PVT1: variants seen among roughly 807,000 people sequenced by gnomAD.
The protein encoded by PVT1 is Pvt1 oncogene.
At chr8:127,863,057 A>G (rs564043754) in intron 2 of PVT1, among the ~76,000 whole-genome samples, 1 of 151,972 alleles carries the variant, frequency 6.6e-6, no homozygotes, top group East Asian at 1.9e-4. Flanking sequence ...GATCTACCCC[A>G]TTAATCTGGG....
At position 128,100,684 on chromosome 8, in the gene PVT1, A is replaced by T. The variant is rs536158170; in HGVS notation, n.1251+4030A>T. Among the ~76,000 whole-genome samples the T allele has an allele frequency of 3.7e-4, 56 of 152,330 alleles. No individual in the cohort carries two copies. In the South Asian group the frequency reaches 0.011, roughly 29 times the overall value. ...GGTGTGTCAATGAGAAAATTATAAC[A>T]GTAAGCTAAGCCAACCCAACCTCCA... On this transcript the variant is annotated intron_variant and non_coding_transcript_variant, in intron 6 of 10. Coordinates refer to ENST00000651587, the Ensembl canonical transcript of PVT1.
intron 4 of PVT1, among the ~76,000 whole-genome samples, chr8:128,031,437 G>T (rs1488726731): frequency 2.6e-5 from 4 of 152,140 alleles, no homozygotes; most frequent in Admixed American, 2.0e-4. Context: ...GAGGCACGGG[G>T]AGCATTTCTG....
At chr8:127,813,082 C>A (rs573998822) in intron 2 of PVT1, among the ~76,000 whole-genome samples, 1 of 150,492 alleles carries the variant, frequency 6.6e-6, no homozygotes, top group East Asian at 1.9e-4. Context: ...TAAGCCCTGA[C>A]TTCGTGCCGG....
chr8:127,972,696 G>A (rs575394457), intron 3 of PVT1, among the ~76,000 whole-genome samples: 78 of 152,110 alleles, frequency 5.1e-4, no homozygotes, highest in Non-Finnish European at 8.5e-4. Flanking sequence ...CCGAGATCCC[G>A]CTATTGCACT....
intron 2 of PVT1, among the ~76,000 whole-genome samples, chr8:127,859,352 C>T (rs978512665): frequency 1.3e-5 from 2 of 152,036 alleles, no homozygotes; most frequent in Non-Finnish European, 2.9e-5. Flanking sequence ...CACCTCATAC[C>T]GGCCATGACC....
intron 3 of PVT1, among the ~76,000 whole-genome samples, chr8:127,930,439 G>A (rs769448262): frequency 7.9e-5 from 12 of 152,186 alleles, no homozygotes; most frequent in Admixed American, 4.6e-4. Flanking sequence ...GATTAGAGGC[G>A]TGAGTCATCA....
intron 3 of PVT1, among the ~76,000 whole-genome samples, chr8:127,919,552 A>C (rs1251863216): frequency 6.6e-6 from 1 of 152,154 alleles, no homozygotes; most frequent in Non-Finnish European, 1.5e-5. Context: ...TCCCCTGAGC[A>C]GTCACCATCC....
chr8:127,989,797 A>C (rs1817010506), intron 4 of PVT1, among the ~76,000 whole-genome samples: 1 of 152,168 alleles, frequency 6.6e-6, no homozygotes, highest in South Asian at 2.1e-4. Flanking sequence ...TTAGAGGTTA[A>C]GACTGAGTGC....
rs1816118448 is a variant in PVT1 at position 127,925,453 on chromosome 8, AT to A, written n.782+34456del. Among the ~76,000 whole-genome samples the A allele has an allele frequency of 2.6e-5, 4 of 152,376 alleles. No individual in the cohort carries two copies. The South Asian group carries it at 8.3e-4, about 32-fold the overall frequency. ...TATTTTGGGAAAGATCTAGAAGGTT[AT>A]CTGTAAGCATATGGTGGATGTTACA... On this transcript the variant is annotated intron_variant and non_coding_transcript_variant, in intron 3 of 10. Coordinates refer to ENST00000651587, the Ensembl canonical transcript of PVT1.
At chr8:127,899,543 A>C (rs1047866067) in intron 3 of PVT1, among the ~76,000 whole-genome samples, 1 of 152,102 alleles carries the variant, frequency 6.6e-6, no homozygotes, top group African/African-American at 2.4e-5. Flanking sequence ...ATGACAGATG[A>C]GTCACCTCTG....
intron 2 of PVT1, among the ~76,000 whole-genome samples, chr8:127,815,575 T>C (rs1363958528): frequency 6.6e-6 from 1 of 152,190 alleles, no homozygotes; most frequent in Non-Finnish European, 1.5e-5. Context: ...ATGCTGCTTT[T>C]CCACTTTGCA....
intron 5 of PVT1, among the ~76,000 whole-genome samples, chr8:128,074,818 G>A (rs1207473028): frequency 6.6e-6 from 1 of 152,158 alleles, no homozygotes; most frequent in Non-Finnish European, 1.5e-5. Context: ...GGAGCTGTGT[G>A]CAACCATCTT....
intron 5 of PVT1, among the ~76,000 whole-genome samples, chr8:128,083,093 G>T (rs1180005321): frequency 6.6e-6 from 1 of 152,144 alleles, no homozygotes; most frequent in Non-Finnish European, 1.5e-5. Flanking sequence ...TTCTAATCTT[G>T]GCTCTGTGGC....
chr8:127,969,547 C>A (rs1816740814), intron 3 of PVT1, among the ~76,000 whole-genome samples: 1 of 152,160 alleles, frequency 6.6e-6, no homozygotes, highest in South Asian at 2.1e-4. Flanking sequence ...GGTATGCAGC[C>A]ATTCAAACAT....
intron 3 of PVT1, among the ~76,000 whole-genome samples, chr8:127,893,459 C>T (rs1377658441): frequency 6.6e-6 from 1 of 152,044 alleles, no homozygotes; most frequent in Non-Finnish European, 1.5e-5. Flanking sequence ...GTTGGCCAGG[C>T]TGGTCTTGAA....
At chr8:127,937,227 T>G (rs185481481) in intron 3 of PVT1, among the ~76,000 whole-genome samples, 137 of 152,272 alleles carry the variant, frequency 9.0e-4, no homozygotes, top group African/African-American at 3.1e-3. Flanking sequence ...TGAGATGCTT[T>G]GGCACATTAT....
intron 4 of PVT1, among the ~76,000 whole-genome samples, chr8:128,028,515 G>T (rs1416326456): frequency 6.6e-6 from 1 of 152,234 alleles, no homozygotes. Flanking sequence ...CTGAGGAGAG[G>T]CAGGACTGGG....
chr8:127,903,184 T>C (rs1449317781), intron 3 of PVT1, among the ~76,000 whole-genome samples: 1 of 152,240 alleles, frequency 6.6e-6, no homozygotes. Context: ...TTCCAATGAC[T>C]AGTGATGTTG....
At chr8:128,021,898 G>A (rs1586485128) in intron 4 of PVT1, among the ~76,000 whole-genome samples, 6 of 152,144 alleles carry the variant, frequency 3.9e-5, no homozygotes, top group Admixed American at 3.9e-4. Flanking sequence ...GAGTGAGGGA[G>A]AGTGCAGGGG....
Sources: allele counts gnomAD v4.1 joint callset (sites outside exome capture counted in the v4.1 genomes callset), GRCh38; gene constraint gnomAD v4.1.1; transcripts MANE v1.5; gene names NCBI Gene and HGNC (gene_info 2026-07-23, HGNC 2026-07-21).